The following PRDM16 variants were observed in gnomAD, a reference collection of about 807,000 sequenced individuals.
The protein encoded by PRDM16 is histone-lysine N-methyltransferase PRDM16.
A neutral mutation model predicts 110.6 loss-of-function variants in PRDM16; 23 were observed. That is an observed-to-expected ratio of 0.21 (90% CI 0.15 to 0.29). PRDM16 has a LOEUF of 0.29. Ranked by LOEUF, PRDM16 falls within the 10% of genes least tolerant of loss-of-function variation. The probability of loss-of-function intolerance (pLI) is 1.00; values close to 1 mark genes in which losing one functional copy is unlikely to be tolerated. For synonymous variants in PRDM16, 799 were observed against 781.8 expected, an observed-to-expected ratio of 1.02 and a Z score of -0.37; for missense variants, 1,615 against 1,794.3, an observed-to-expected ratio of 0.90 and a Z score of 1.81.
intron 3 of PRDM16, among the ~76,000 whole-genome samples, chr1:3,349,459 C>G (rs923107542): frequency 6.6e-6 from 1 of 152,168 alleles, no homozygotes; most frequent in Non-Finnish European, 1.5e-5. Flanking sequence ...CTGCACTGCC[C>G]GTCTCCACCC....
At chr1:3,122,924 G>A (rs1302039355) in intron 1 of PRDM16, among the ~76,000 whole-genome samples, 4 of 152,216 alleles carry the variant, frequency 2.6e-5, no homozygotes, top group African/African-American at 7.2e-5. Flanking sequence ...GGCAAGAGGC[G>A]GAGCGCTTGC....
intron 3 of PRDM16, among the ~76,000 whole-genome samples, chr1:3,306,286 T>TAA (rs1263652062): frequency 6.6e-6 from 1 of 152,210 alleles, no homozygotes; most frequent in Non-Finnish European, 1.5e-5. Flanking sequence ...TCACTGCACA[T>TAA]AATCAGTGAT....
At chr1:3,410,454 A>C (rs1354593226) in intron 8 of PRDM16, among the ~76,000 whole-genome samples, 2 of 152,296 alleles carry the variant, frequency 1.3e-5, no homozygotes, top group East Asian at 1.9e-4. Context: ...GTCCCTCTGC[A>C]TAGGGCTCCT....
intron 4 of PRDM16, among the ~76,000 whole-genome samples, chr1:3,386,293 C>T (rs369390346): frequency 7.9e-5 from 12 of 152,210 alleles, no homozygotes; most frequent in Non-Finnish European, 1.5e-4. Context: ...GACCACGTCA[C>T]GGAACATTCC....
At chr1:3,422,803 A>G (rs1189645796) in intron 12 of PRDM16, among the ~76,000 whole-genome samples, 2 of 152,232 alleles carry the variant, frequency 1.3e-5, no homozygotes, top group African/African-American at 2.4e-5. Flanking sequence ...CGCCCAGGGC[A>G]GGCTTTGTGG....
chr1:3,260,599 TTGA>T (rs1640137309), intron 3 of PRDM16, among the ~76,000 whole-genome samples: 1 of 150,344 alleles, frequency 6.7e-6, no homozygotes. Flanking sequence ...GGTGATGAGG[TTGA>T]TAATGAAGAT....
chr1:3,411,489 T>G lies in PRDM16; in HGVS notation c.1292T>G (p.Met431Arg). The G allele has an allele frequency of 6.2e-7, 1 of 1,614,182 alleles. No homozygotes were observed. The highest frequency in any genetic ancestry group is 8.5e-7 in the Non-Finnish European group (1 of 1,180,026). ...ATCAAGTGCAAGGACTGTGGCCAGA[T>G]GTTCAGCACTACCTCCTCCCTCAAC... ...TQIKCKDCGQ[M>R]FSTTSSLNKH... The change falls in exon 9 of 17, where the codon ATG becomes AGG. Residue 431 changes from methionine (M) to arginine (R), a missense_variant. By Grantham distance (91) the Met-to-Arg change is moderately conservative (BLOSUM62 -1). Transcript: ENST00000270722.
rs929491511 is a variant in PRDM16 at position 3,228,454 on chromosome 1, C to T, written c.388-15633C>T. On this transcript the variant is annotated intron_variant, in intron 2 of 16. Transcript: ENST00000270722. ...AGGTCAAGAGAAAGCAGTTTTTGTG[C>T]GCCTCTCAGAGTAACGCTGTTGGTC... Among the ~76,000 whole-genome samples the T allele has an allele frequency of 3.3e-5, 5 of 152,172 alleles. No homozygotes were observed. The East Asian group carries it at 5.8e-4, about 18-fold the overall frequency.
At chr1:3,169,672 C>T (rs1256607408) in intron 1 of PRDM16, among the ~76,000 whole-genome samples, 1 of 152,266 alleles carries the variant, frequency 6.6e-6, no homozygotes, top group Non-Finnish European at 1.5e-5. Flanking sequence ...GCCCGCCCCC[C>T]ACGGGCCCCC....
At chr1:3,248,934 G>A (rs933680026) in intron 3 of PRDM16, among the ~76,000 whole-genome samples, 3 of 152,236 alleles carry the variant, frequency 2.0e-5, no homozygotes, top group East Asian at 1.9e-4. Flanking sequence ...TGGCTGCTGA[G>A]CCCAGGAAGT....
intron 9 of PRDM16, among the ~76,000 whole-genome samples, chr1:3,414,179 G>A (rs1052106375): frequency 1.3e-5 from 2 of 152,214 alleles, no homozygotes; most frequent in Non-Finnish European, 2.9e-5. Flanking sequence ...AGGCCGGGGT[G>A]CACGGGGCCT....
At chr1:3,158,300 AAGGG>A (rs939735402) in intron 1 of PRDM16, among the ~76,000 whole-genome samples, 1 of 152,222 alleles carries the variant, frequency 6.6e-6, no homozygotes, top group Non-Finnish European at 1.5e-5. Context: ...GCTTTCCCAA[AAGGG>A]AAGCCAGGCT....
chr1:3,118,203 G>A lies in PRDM16; in HGVS notation c.37+48907G>A, dbSNP rs72468236. ...ATTGTGTGTGCATGCATGTACACAC[G>A]CACACACGCACACACACACGTGCAC... On this transcript the variant is annotated intron_variant, in intron 1 of 16. Coordinates refer to ENST00000270722, the MANE Select transcript of PRDM16 (RefSeq NM_022114.4). 2.2e-3 allele frequency among the ~76,000 whole-genome samples: 330 copies of A among 150,964 alleles called. 9 individuals are homozygous for A. The East Asian group carries it at 0.051, about 23-fold the overall frequency.
chr1:3,096,593 A>G (rs933941833), intron 1 of PRDM16, among the ~76,000 whole-genome samples: 1 of 152,016 alleles, frequency 6.6e-6, no homozygotes, highest in Non-Finnish European at 1.5e-5. Flanking sequence ...TCCCTCCCTC[A>G]GTGCCTTGCC....
rs368081666 is a variant in PRDM16 at position 3,385,280 on chromosome 1, T to G, written c.567T>G (p.Ser189Arg). 18 of 1,613,554 alleles carry G rather than the reference T, an allele frequency of 1.1e-5. No individual in the cohort carries two copies. The African/African-American group carries it at 2.3e-4, about 20-fold the overall frequency. Residue 189 changes from serine (S) to arginine (R), a missense_variant, in exon 4 of 17, where the codon AGT becomes AGG. By Grantham distance (110) the Ser-to-Arg change is moderately radical. Transcript: ENST00000270722. ...DDQNLTMCQISEQIYYKVIKD... is the reference protein window; with the variant it reads ...DDQNLTMCQIREQIYYKVIKD... ...AGAACCTCACCATGTGTCAGATCAG[T>G]GAGCAGGTAGGTCCGGGCTCATAAC...
In PRDM16 at chr1:3,433,966, C is replaced by A; in HGVS notation, c.*155C>A. The A allele has an allele frequency of 1.3e-6, 1 of 753,818 alleles. No homozygotes were observed. The highest frequency in any genetic ancestry group is 2.1e-6 in the Non-Finnish European group (1 of 476,728). 46.7% of individuals were successfully genotyped at this position (753,818 alleles called of 1,614,324 possible). The stretch of plus-strand genomic sequence containing the variant: ...TTCATTCCGACTTTTCCAATGGAAA[C>A]TCAGATCCCAAAAGTCCCTAAAGCA... On this transcript the variant is annotated 3_prime_UTR_variant, in exon 17 of 17. Transcript: ENST00000270722.
At chr1:3,277,711 C>A (rs1640616845) in intron 3 of PRDM16, among the ~76,000 whole-genome samples, 1 of 150,936 alleles carries the variant, frequency 6.6e-6, no homozygotes, top group Non-Finnish European at 1.5e-5. Flanking sequence ...CCTTGTTCAC[C>A]CACATGCACA....
chr1:3,107,001 C>A (rs906411755), intron 1 of PRDM16, among the ~76,000 whole-genome samples: 9 of 152,216 alleles, frequency 5.9e-5, no homozygotes, highest in African/African-American at 2.2e-4. Flanking sequence ...GCCAGGATGG[C>A]AGCATGGCCA....
chr1:3,136,466 C>G (rs4648364), intron 1 of PRDM16, among the ~76,000 whole-genome samples: 32,695 of 152,136 alleles, frequency 0.21, 4,010 homozygotes, highest in East Asian at 0.45. Context: ...CTTCCCGTGT[C>G]ACAGTGTCAC....
Sources: gnomAD v4.1 joint callset for allele counts (sites outside exome capture counted in the v4.1 genomes callset) on GRCh38, gnomAD v4.1.1 for gene constraint, MANE v1.5 for transcripts, NCBI Gene and HGNC (gene_info 2026-07-23, HGNC 2026-07-21) for gene names.